PEX5L: variants seen among roughly 807,000 people sequenced by gnomAD.
PEX5L encodes PEX5-related protein.
PEX5L carries 30 observed loss-of-function variants against 84.0 expected under a neutral mutation model. That is an observed-to-expected ratio of 0.36 (90% CI 0.27 to 0.48). The LOEUF (loss-of-function observed/expected upper bound fraction) is 0.48, where lower values mean the gene tolerates loss of function less well. Among genes scored for constraint, PEX5L ranks in the 20% least tolerant of loss-of-function variants. PEX5L has a pLI of 0.99. For missense variants in PEX5L, 533 were observed against 754.6 expected, an observed-to-expected ratio of 0.71 and a Z score of 3.44; for synonymous variants, 270 against 283.1, an observed-to-expected ratio of 0.95 and a Z score of 0.46.
chr3:179,879,850 G>GGAAATTT, intron 5 of PEX5L, 79 bp downstream of exon 5: 1 of 974,248 alleles, frequency 1.0e-6, no homozygotes, highest in South Asian at 1.9e-5. Context: ...TCTGTTTAAT[G>GGAAATTT]CCATTGGTGG....
rs779429197 is a variant in PEX5L, at chr3:179,801,796, C to A, written c.*32G>T. On this transcript the variant is annotated 3_prime_UTR_variant, in exon 15 of 15. Transcript: ENST00000467460. ...GATTTTTCAGTACAATCACACAGAT[C>A]AGGGATTATTAGTACTGGTATTATT... 1 of 1,266,652 alleles carries A rather than the reference C, an allele frequency of 7.9e-7. No homozygotes were observed. Among genetic ancestry groups the A allele is most frequent in the Non-Finnish European group, 1.2e-6 (1 of 862,836 alleles). 78.5% of individuals were successfully genotyped at this position (1,266,652 alleles called of 1,614,324 possible). A position where few individuals can be genotyped will look rare whatever the true frequency, so the allele number is the denominator to read the frequency against.
intron 3 of PEX5L, among the ~76,000 whole-genome samples, chr3:179,894,769 T>TGGAAAAAAAAGTCCCTTAACA (rs1758704748): frequency 6.6e-6 from 1 of 151,940 alleles, no homozygotes; most frequent in Non-Finnish European, 1.5e-5. Flanking sequence ...AGGCTGGGTT[T>TGGAAAAAAAAGTCCCTTAACA]GGAAAAAAAA....
chr3:179,944,059 G>A (rs1776880550), intron 2 of PEX5L, among the ~76,000 whole-genome samples: 1 of 149,866 alleles, frequency 6.7e-6, no homozygotes, highest in South Asian at 2.1e-4. Context: ...ATTACAATTA[G>A]AACAATTTAT....
Position 179,874,738 on chromosome 3 carries a change from GTTTTTTT to G in PEX5L, c.630-322_630-316del, listed in dbSNP as rs3836472. ...TAAAAAAATTATGGTTTTTTTTTTT[GTTTTTTT>G]TTTTTTTTTTTTTTTTTGGTAGGGG... On this transcript the variant is annotated intron_variant, in intron 6 of 14. Transcript: ENST00000467460. Among the ~76,000 whole-genome samples the G allele has an allele frequency of 3.3e-3, 150 of 45,980 alleles. 2 individuals are homozygous for G. Among genetic ancestry groups the G allele is most frequent in the Non-Finnish European group, 4.7e-3 (128 of 27,194 alleles). 30.2% of individuals were successfully genotyped at this position (45,980 alleles called of 152,430 possible).
Position 179,875,427 on chromosome 3 carries a change from G to A in PEX5L, c.556C>T (p.Arg186Ter), listed in dbSNP as rs764449119. Residue 186 changes from arginine to a stop codon, truncating the protein, a stop_gained, in exon 6 of 15, where the codon CGA (arginine) becomes TGA (stop). Coordinates refer to ENST00000467460, the MANE Select transcript of PEX5L (RefSeq NM_016559.3). LOFTEE classifies it high-confidence loss of function. ...KWDDVKFHGD[R>*]NTKGHPMAER... ...GCCATTGGATGTCCCTTGGTATTTC[G>A]ATCTCCATGAAACTTAACATCGTCC... The A allele has an allele frequency of 6.2e-6, 10 of 1,611,762 alleles. No homozygotes were observed. Among genetic ancestry groups the A allele is most frequent in the Non-Finnish European group, 7.6e-6 (9 of 1,178,594 alleles).
intron 7 of PEX5L, among the ~76,000 whole-genome samples, chr3:179,867,025 C>CAAA (rs61404630): frequency 3.4e-5 from 3 of 89,400 alleles, no homozygotes; most frequent in Non-Finnish European, 6.7e-5. Flanking sequence ...GACTCTGTCT[C>CAAA]AAAAAAAAAA....
At chr3:179,809,374 G>C in intron 12 of PEX5L, 97 bp downstream of exon 12, 1 of 846,002 alleles carries the variant, frequency 1.2e-6, no homozygotes. Flanking sequence ...TTCTGGAGTG[G>C]GTGGTGTCTA....
chr3:179,956,902 AT>A (rs35484147), intron 2 of PEX5L, among the ~76,000 whole-genome samples: 108,982 of 151,648 alleles, frequency 0.72, 39,754 homozygotes, highest in East Asian at 0.89. Context: ...AATGTACATG[AT>A]TTTTTTTTGC....
chr3:179,905,307 C>G (rs1762770805), intron 2 of PEX5L, among the ~76,000 whole-genome samples: 1 of 149,542 alleles, frequency 6.7e-6, no homozygotes, highest in African/African-American at 2.5e-5. Flanking sequence ...GAGTCTCGCT[C>G]TGTCGCCCAG....
At chr3:180,033,112 C>A (rs1378204639) in intron 1 of PEX5L, among the ~76,000 whole-genome samples, 1 of 152,124 alleles carries the variant, frequency 6.6e-6, no homozygotes, top group Non-Finnish European at 1.5e-5. Context: ...CTAAGCTATT[C>A]CCCTTTGTAG....
chr3:179,843,323 C>T (rs191981420), intron 8 of PEX5L, among the ~76,000 whole-genome samples: 2 of 152,306 alleles, frequency 1.3e-5, no homozygotes, highest in Admixed American at 1.3e-4. Flanking sequence ...AACTAAATCA[C>T]AATCTCTGGG....
At chr3:179,841,091 T>C (rs1737089016) in intron 8 of PEX5L, among the ~76,000 whole-genome samples, 1 of 152,006 alleles carries the variant, frequency 6.6e-6, no homozygotes, top group South Asian at 2.1e-4. Flanking sequence ...GCATCGCCAG[T>C]GAGGTGGGAG....
chr3:179,805,565 G>A (rs1720987000), intron 14 of PEX5L, among the ~76,000 whole-genome samples: 1 of 152,116 alleles, frequency 6.6e-6, no homozygotes, highest in East Asian at 1.9e-4. Flanking sequence ...TTTAAGAAAT[G>A]TATTCAATCC....
At chr3:179,908,242 T>C (rs183716827) in intron 2 of PEX5L, among the ~76,000 whole-genome samples, 43 of 152,286 alleles carry the variant, frequency 2.8e-4, no homozygotes, top group African/African-American at 9.9e-4. Context: ...AGGAAAAGTA[T>C]AGAAAGATCT....
At chr3:179,887,998 T>G in intron 3 of PEX5L, 1 of 734,956 alleles carries the variant, frequency 1.4e-6, no homozygotes, top group East Asian at 3.1e-5. Context: ...TGCAGCCAAC[T>G]TCAATGTTTA....
chr3:179,971,716 T>A, intron 1 of PEX5L, 51 bp from the exon 2 acceptor site: 1 of 1,474,092 alleles, frequency 6.8e-7, no homozygotes, highest in Non-Finnish European at 9.1e-7. Flanking sequence ...CCATTAACAA[T>A]CTTAATTCTA....
chr3:179,807,619 A>G, intron 14 of PEX5L, 55 bp downstream of exon 14: 1 of 1,536,324 alleles, frequency 6.5e-7, no homozygotes, highest in Non-Finnish European at 8.9e-7. Flanking sequence ...CTTTCAGATT[A>G]TTCGACCTCA....
At chr3:179,905,422 G>A (rs1021748732) in intron 2 of PEX5L, among the ~76,000 whole-genome samples, 1 of 152,192 alleles carries the variant, frequency 6.6e-6, no homozygotes, top group East Asian at 1.9e-4. Context: ...ACAGGCGCCC[G>A]CCACCACGCC....
chr3:179,992,907 T>C (rs1787516588), intron 1 of PEX5L, among the ~76,000 whole-genome samples: 1 of 152,092 alleles, frequency 6.6e-6, no homozygotes. Context: ...TGTATGTATG[T>C]ACATATGTAT....
Sources: gnomAD v4.1 joint callset for allele counts (sites outside exome capture counted in the v4.1 genomes callset) on GRCh38, gnomAD v4.1.1 for gene constraint, MANE v1.5 for transcripts, NCBI Gene and HGNC (gene_info 2026-07-23, HGNC 2026-07-21) for gene names.